U2AF2: variants seen among roughly 807,000 people sequenced by gnomAD.
The protein encoded by U2AF2 is U2 small nuclear RNA auxiliary factor 2.
U2AF2 carries 6 observed loss-of-function variants against 52.6 expected under a neutral mutation model. The ratio of observed to expected loss-of-function variants is 0.11; its 90% CI spans 0.06 to 0.23. The LOEUF (loss-of-function observed/expected upper bound fraction) is 0.23. Among genes scored for constraint, U2AF2 ranks in the 10% least tolerant of loss-of-function variants. The probability of loss-of-function intolerance (pLI) is 1.00; values close to 1 mark genes in which losing one functional copy is unlikely to be tolerated. For synonymous variants in U2AF2, 284 were observed against 258.2 expected, an observed-to-expected ratio of 1.10 and a Z score of -0.96; for missense variants, 222 against 677.1, an observed-to-expected ratio of 0.33 and a Z score of 7.46.
intron 11 of U2AF2, among the ~76,000 whole-genome samples, chr19:55,673,566 T>TG: frequency 6.6e-6 from 1 of 152,154 alleles, no homozygotes; most frequent in Non-Finnish European, 1.5e-5. Context: ...ACATGGCTGT[T>TG]GGGGTGGTTC....
chr19:55,669,224 G>A (rs761285899), intron 10 of U2AF2, 43 bp downstream of exon 10: 1 of 1,606,998 alleles, frequency 6.2e-7, no homozygotes, highest in South Asian at 1.1e-5. Flanking sequence ...GGGGGTGGGA[G>A]GGGCTGGCTA....
At chr19:55,657,577 A>G (rs1983875680) in intron 1 of U2AF2, among the ~76,000 whole-genome samples, 1 of 152,190 alleles carries the variant, frequency 6.6e-6, no homozygotes, top group Non-Finnish European at 1.5e-5. Flanking sequence ...TGTCCATCTT[A>G]TAAGCGAGGA....
At chr19:55,656,395 G>C (rs1256005685) in intron 1 of U2AF2, among the ~76,000 whole-genome samples, 2 of 152,224 alleles carry the variant, frequency 1.3e-5, no homozygotes, top group Non-Finnish European at 2.9e-5. Context: ...CTCTGTCTTA[G>C]TTGATGGACT....
chr19:55,674,166 A>T lies in U2AF2; in HGVS notation c.*98A>T. ...TCTGAAGACGATGGGCAGAGGAGTG[A>T]CAGCCGCAGACACACGACAGCCGGC... On this transcript the variant is annotated 3_prime_UTR_variant, in exon 12 of 12. Transcript: ENST00000308924. 1 of 957,908 alleles carries T rather than the reference A, an allele frequency of 1.0e-6. No individual in the cohort carries two copies. 59.3% of individuals were successfully genotyped at this position (957,908 alleles called of 1,614,324 possible).
At chr19:55,660,690 C>T in intron 4 of U2AF2, 71 bp downstream of exon 4, 13 of 1,426,318 alleles carry the variant, frequency 9.1e-6, no homozygotes, top group Non-Finnish European at 1.2e-5. Flanking sequence ...AGTCATTCCC[C>T]TGCGTGTGTG....
In U2AF2 at chr19:55,660,368, C is replaced by T. The variant is rs1984097182; in HGVS notation, c.230+147C>T. ...TTGAAACCAGCACCCCTTTCCCAGG[C>T]CCTGCCCCAGACCCTCTCCTTCCCT... On this transcript the variant is annotated intron_variant, in intron 3 of 11. Coordinates refer to ENST00000308924, the MANE Select transcript of U2AF2 (RefSeq NM_007279.3). 4.5e-6 allele frequency: 5 copies of T among 1,108,916 alleles called. No individual in the cohort carries two copies. The East Asian group carries it at 1.0e-4, about 23-fold the overall frequency. The allele number at this position is 1,108,916 out of a possible 1,614,324, so 68.7% of individuals were successfully genotyped here. A position where few individuals can be genotyped will look rare whatever the true frequency, so the allele number is the denominator to read the frequency against.
Position 55,674,098 on chromosome 19 carries a change from T to C in U2AF2, c.*30T>C. 12 of 847,976 alleles carry C rather than the reference T, an allele frequency of 1.4e-5. No homozygotes were observed. Among genetic ancestry groups the C allele is most frequent in the Non-Finnish European group, 2.2e-5 (12 of 551,432 alleles). 52.5% of individuals were successfully genotyped at this position (847,976 alleles called of 1,614,324 possible). ...GGCTGGGGGAGGGTGGGGGCAGGGC[T>C]GGCTGGGGGCTTCTCCCCACTCCCG... is the stretch of plus-strand genomic sequence containing the variant. On this transcript the variant is annotated 3_prime_UTR_variant, in exon 12 of 12. Transcript: ENST00000308924.
chr19:55,668,852 A>G lies in U2AF2; in HGVS notation c.945+60A>G. 6.4e-7 allele frequency: 1 copy of G among 1,572,182 alleles called. No individual in the cohort carries two copies. The highest frequency in any genetic ancestry group is 8.7e-7 in the Non-Finnish European group (1 of 1,155,218). On this transcript the variant is annotated intron_variant, in intron 9 of 11. Coordinates refer to ENST00000308924, the MANE Select transcript of U2AF2 (RefSeq NM_007279.3). This position sits in a 1 kb window ranked among gnomAD's most constrained non-coding sequence, Gnocchi z 5.5. ...TCCTTCCCTGCCCTGCGCTGTTGCC[A>G]AGCCATGGTCTCCCCTCCTCAGGGG...
At chr19:55,657,666 G>A (rs993212105) in intron 1 of U2AF2, among the ~76,000 whole-genome samples, 1 of 152,196 alleles carries the variant, frequency 6.6e-6, no homozygotes. Context: ...CCCAATTTCA[G>A]TTTTTGATTT....
chr19:55,669,951 A>G (rs1010702498), intron 11 of U2AF2, among the ~76,000 whole-genome samples: 13 of 152,202 alleles, frequency 8.5e-5, no homozygotes, highest in African/African-American at 2.9e-4. Context: ...CAGGCGAGAC[A>G]GTAGTTGGGG....
In U2AF2 at chr19:55,674,180, A is replaced by C; in HGVS notation, c.*112A>C. On this transcript the variant is annotated 3_prime_UTR_variant, in exon 12 of 12. Coordinates refer to ENST00000308924, the MANE Select transcript of U2AF2 (RefSeq NM_007279.3). ...GCAGAGGAGTGACAGCCGCAGACAC[A>C]CGACAGCCGGCAGCAACTGGAATGG... The C allele has an allele frequency of 7.3e-6, 5 of 684,172 alleles. No individual in the cohort carries two copies. Among genetic ancestry groups the C allele is most frequent in the Non-Finnish European group, 9.1e-6 (5 of 551,040 alleles). 42.4% of individuals were successfully genotyped at this position (684,172 alleles called of 1,614,324 possible). A position where few individuals can be genotyped will look rare whatever the true frequency, so the allele number is the denominator to read the frequency against.
At chr19:55,665,783 G>A (rs568833459) in intron 7 of U2AF2, among the ~76,000 whole-genome samples, 6 of 152,158 alleles carry the variant, frequency 3.9e-5, no homozygotes, top group Non-Finnish European at 7.3e-5. Context: ...CGAGTAGCTG[G>A]GATTACAGGC....
intron 7 of U2AF2, among the ~76,000 whole-genome samples, chr19:55,666,397 C>T (rs560763052): frequency 1.6e-4 from 24 of 152,354 alleles, no homozygotes; most frequent in African/African-American, 5.5e-4. Flanking sequence ...AGGGCTTGTC[C>T]TCAGTGATGA....
In U2AF2 at chr19:55,669,403, C is replaced by T. The variant is rs777039238; in HGVS notation, c.1045-41C>T. 1.0e-5 allele frequency: 16 copies of T among 1,563,804 alleles called. No homozygotes were observed. The Admixed American group carries it at 2.7e-4, about 26-fold the overall frequency. On this transcript the variant is annotated intron_variant, in intron 10 of 11. Transcript: ENST00000308924. ...AGGCTTGAGCAGAGGGAGACTGGGT[C>T]TGGGCCCCCTGTGACGCCGCTGCCT...
At chr19:55,663,906 C>T (rs938421868) in intron 7 of U2AF2, 162 bp downstream of exon 7, 6 of 1,065,354 alleles carry the variant, frequency 5.6e-6, no homozygotes, top group African/African-American at 1.6e-5. Flanking sequence ...GTGGGGTGCT[C>T]TCCTGCTGGT....
intron 4 of U2AF2, 59 bp from the exon 5 acceptor site, chr19:55,660,979 G>A (rs1485709146): frequency 1.4e-5 from 22 of 1,525,576 alleles, no homozygotes; most frequent in Non-Finnish European, 1.9e-5. Flanking sequence ...TGTGTGGTGA[G>A]GGGTGGTCAC....
At position 55,672,864 on chromosome 19, in the gene U2AF2, C is replaced by T. The variant is rs749858551; in HGVS notation, c.1294-1070C>T. Among the ~76,000 whole-genome samples, 10 of 151,612 alleles carry T rather than the reference C, an allele frequency of 6.6e-5. No homozygotes were observed. The South Asian group carries it at 8.3e-4, about 13-fold the overall frequency. On this transcript the variant is annotated intron_variant, in intron 11 of 11. Transcript: ENST00000308924. ...TTCACCGTGTTAGCCAGGATGGTCT[C>T]GATCTCCTGACTTTGTGAGCCGCCC...
At chr19:55,657,366 C>T (rs1600068344) in intron 1 of U2AF2, among the ~76,000 whole-genome samples, 1 of 152,218 alleles carries the variant, frequency 6.6e-6, no homozygotes, top group South Asian at 2.1e-4. Flanking sequence ...TAGTCTTTGT[C>T]TCTGCGGAGG....
chr19:55,672,126 C>T (rs1424770615), intron 11 of U2AF2: 1 of 143,676 alleles, frequency 7.0e-6, no homozygotes, highest in Non-Finnish European at 1.5e-5. Context: ...AAGACATGGT[C>T]TCAGAAAAAA....
Sources: allele counts gnomAD v4.1 joint callset (sites outside exome capture counted in the v4.1 genomes callset), GRCh38; gene constraint gnomAD v4.1.1; non-coding constraint Gnocchi (gnomAD v3.1); transcripts MANE v1.5; gene names NCBI Gene and HGNC (gene_info 2026-07-23, HGNC 2026-07-21).